Variants in MPP7 observed in about 807,000 individuals in gnomAD.
The protein encoded by MPP7 is MAGUK p55 subfamily member 7.
Under a neutral mutation model 76.5 loss-of-function variants are expected in MPP7, and 60 were observed. That is an observed-to-expected ratio of 0.78 (90% confidence interval 0.64 to 0.97). The LOEUF is 0.97. Among genes scored for constraint, MPP7 ranks in the 50% least tolerant of loss-of-function variants. The probability of loss-of-function intolerance (pLI) is 0.00; values close to 1 mark genes in which losing one functional copy is unlikely to be tolerated. For missense variants in MPP7, 641 were observed against 694.0 expected (o/e 0.92, Z 0.86); for synonymous variants, 237 against 244.5 (o/e 0.97, Z 0.29).
At chr10:28,174,086 A>G (rs1836777844) in intron 3 of MPP7, among the ~76,000 whole-genome samples, 1 of 152,212 alleles carries the variant, frequency 6.6e-6, no homozygotes, top group African/African-American at 2.4e-5. Flanking sequence ...ATACCACTAC[A>G]GCCCCCAAAG....
At chr10:28,231,443 T>C (rs951208284) in intron 2 of MPP7, among the ~76,000 whole-genome samples, 1 of 148,108 alleles carries the variant, frequency 6.8e-6, no homozygotes, top group South Asian at 2.1e-4. Context: ...ATAGAGAAAA[T>C]AAAGCCATAA....
At chr10:28,171,100 TC>T (rs1381642170) in intron 3 of MPP7, among the ~76,000 whole-genome samples, 5 of 152,158 alleles carry the variant, frequency 3.3e-5, no homozygotes, top group African/African-American at 1.2e-4. Context: ...TTAATAAGTG[TC>T]TATTAGGTGT....
At chr10:28,211,205 C>T (rs1043290512) in intron 2 of MPP7, among the ~76,000 whole-genome samples, 1 of 151,988 alleles carries the variant, frequency 6.6e-6, no homozygotes, top group Non-Finnish European at 1.5e-5. Context: ...CTCAAAGGAC[C>T]GTCTCACCTC....
chr10:28,324,798 C>T (rs954911224), intron 2 of MPP7, among the ~76,000 whole-genome samples: 9 of 152,150 alleles, frequency 5.9e-5, no homozygotes, highest in South Asian at 2.1e-4. Flanking sequence ...TTATACATCC[C>T]GGAGTGAATC....
At chr10:28,075,008 T>C (rs2133383463) in intron 12 of MPP7, among the ~76,000 whole-genome samples, 1 of 152,114 alleles carries the variant, frequency 6.6e-6, no homozygotes, top group East Asian at 1.9e-4. Context: ...CATGATTCTA[T>C]CCTCTGCTTG....
chr10:28,333,425 G>T (rs999725359), intron 1 of MPP7, among the ~76,000 whole-genome samples: 1 of 152,162 alleles, frequency 6.6e-6, no homozygotes, highest in Non-Finnish European at 1.5e-5. Context: ...GATTACAGGC[G>T]TGAGCCACTG....
At chr10:28,114,814 G>A (rs763451734) in intron 11 of MPP7, among the ~76,000 whole-genome samples, 15 of 152,146 alleles carry the variant, frequency 9.9e-5, no homozygotes, top group Admixed American at 4.6e-4. Context: ...GGCTGAGAAC[G>A]CTTCCAATGG....
chr10:28,176,529 T>C (rs1235801772), intron 3 of MPP7, among the ~76,000 whole-genome samples: 2 of 151,796 alleles, frequency 1.3e-5, no homozygotes, highest in African/African-American at 4.8e-5. Flanking sequence ...GGCCAGGAGT[T>C]TGAGACCAGC....
chr10:28,148,159 T>C (rs1023969026), intron 4 of MPP7, among the ~76,000 whole-genome samples: 251 of 152,324 alleles, frequency 1.6e-3, no homozygotes, highest in African/African-American at 5.7e-3. Flanking sequence ...TGAGCTATAA[T>C]GGGTTGACAG....
At chr10:28,292,317 G>A (rs967155907) in intron 1 of MPP7, among the ~76,000 whole-genome samples, 2 of 152,018 alleles carry the variant, frequency 1.3e-5, no homozygotes, top group Non-Finnish European at 2.9e-5. Context: ...CATAGTTGTC[G>A]ATATATGTAG....
chr10:28,147,475 G>A lies in MPP7; in HGVS notation c.315+8C>T. 3.1e-6 allele frequency: 5 copies of A among 1,610,172 alleles called. No individual in the cohort carries two copies. Among genetic ancestry groups the A allele is most frequent in the Non-Finnish European group, 4.3e-6 (5 of 1,176,404 alleles). On this transcript the variant is annotated splice_region_variant and intron_variant, in intron 5 of 16. Transcript: ENST00000683449. ...AAGGTATTTATTACCGGCGTAACAT[G>A]TCCTCACCTTCACATTGGGTTTTGA...
At chr10:28,129,004 G>GTA (rs1491261424) in intron 6 of MPP7, among the ~76,000 whole-genome samples, 1 of 152,152 alleles carries the variant, frequency 6.6e-6, no homozygotes, top group African/African-American at 2.4e-5. Context: ...TGCTTGGAGG[G>GTA]TAAACTACAG....
At chr10:28,165,253 C>A (rs1032656525) in intron 3 of MPP7, among the ~76,000 whole-genome samples, 2 of 152,152 alleles carry the variant, frequency 1.3e-5, no homozygotes, top group African/African-American at 4.8e-5. Flanking sequence ...TGATTGGGCA[C>A]TGTGGCTCAC....
intron 2 of MPP7, among the ~76,000 whole-genome samples, chr10:28,234,433 C>T (rs946810575): frequency 2.6e-5 from 4 of 152,040 alleles, no homozygotes; most frequent in African/African-American, 7.2e-5. Flanking sequence ...GGAGGAGAAA[C>T]GACACATGCT....
Position 28,232,389 on chromosome 10 carries a change from AC to A in MPP7, c.37+6178del, listed in dbSNP as rs1290615812. The stretch of plus-strand genomic sequence containing the variant: ...CACACACACACACACACACACACAC[AC>A]AAATTGATTGGTAACGTAAGATGGA... On this transcript the variant is annotated intron_variant, in intron 2 of 16. Transcript: ENST00000683449. Among the ~76,000 whole-genome samples, 4 of 151,712 alleles carry A rather than the reference AC, an allele frequency of 2.6e-5. No homozygotes were observed. In the South Asian group the frequency reaches 6.2e-4, roughly 24 times the overall value.
intron 3 of MPP7, among the ~76,000 whole-genome samples, chr10:28,186,382 G>T (rs539389048): frequency 6.6e-6 from 1 of 150,860 alleles, no homozygotes; most frequent in Admixed American, 6.6e-5. Context: ...GAGAGAGAGA[G>T]AAAACAGCCT....
chr10:28,274,099 TTC>T (rs1840413756), intron 1 of MPP7, among the ~76,000 whole-genome samples: 1 of 148,336 alleles, frequency 6.7e-6, no homozygotes, highest in Non-Finnish European at 1.5e-5. Context: ...TAAAATTTTT[TTC>T]TTTTTTTTTT....
chr10:28,101,531 T>C (rs1247731588), intron 11 of MPP7, among the ~76,000 whole-genome samples: 2 of 152,156 alleles, frequency 1.3e-5, no homozygotes, highest in African/African-American at 4.8e-5. Flanking sequence ...TTTAACTTTA[T>C]GGCAAACCCC....
chr10:28,154,887 T>C (rs1446053947), intron 3 of MPP7, among the ~76,000 whole-genome samples: 3 of 152,218 alleles, frequency 2.0e-5, no homozygotes, highest in Admixed American at 2.0e-4. Flanking sequence ...TTCAAAAATC[T>C]GTATTTCAGT....
Sources: gnomAD v4.1 joint callset for allele counts (sites outside exome capture counted in the v4.1 genomes callset) on GRCh38, gnomAD v4.1.1 for gene constraint, MANE v1.5 for transcripts, NCBI Gene and HGNC (gene_info 2026-07-23, HGNC 2026-07-21) for gene names.